NRXN1: variants seen among roughly 807,000 people sequenced by gnomAD.
The protein encoded by NRXN1 is neurexin-1.
NRXN1 carries 39 observed loss-of-function variants against 150.9 expected under a neutral mutation model. The observed-to-expected ratio is 0.26, with a 90% CI of 0.20 to 0.34. NRXN1 has a LOEUF of 0.34. Among genes scored for constraint, NRXN1 ranks in the 10% least tolerant of loss-of-function variants. NRXN1 has a pLI of 1.00. For synonymous variants in NRXN1, 924 were observed against 757.0 expected, an observed-to-expected ratio of 1.22 and a Z score of -3.62; for missense variants, 1,815 against 1,949.9, an observed-to-expected ratio of 0.93 and a Z score of 1.30.
chr2:50,215,127 G>T (rs766830483), intron 18 of NRXN1, among the ~76,000 whole-genome samples: 9 of 151,984 alleles, frequency 5.9e-5, no homozygotes, highest in Non-Finnish European at 1.2e-4. Context: ...ATCTGATACA[G>T]ACTTCCTTTA....
intron 8 of NRXN1, among the ~76,000 whole-genome samples, chr2:50,599,401 C>T (rs1012595184): frequency 3.3e-5 from 5 of 152,124 alleles, no homozygotes; most frequent in African/African-American, 1.2e-4. Context: ...ATATGTTTAC[C>T]TGTTGAAATC....
intron 17 of NRXN1, among the ~76,000 whole-genome samples, chr2:50,248,436 T>C (rs1438404476): frequency 6.6e-6 from 1 of 152,128 alleles, no homozygotes; most frequent in Admixed American, 6.6e-5. Flanking sequence ...CAGGAGAGCA[T>C]TTAGAGGTGG....
Position 50,465,484 on chromosome 2 carries a change from C to T in NRXN1, c.3322G>A (p.Asp1108Asn). Reference sequence around the variant, plus strand: ...CCACTGAAGGAAGTCATACTACAGTCACAGCTGAAGCCATCCCATTGTTGC... The same window carrying T: ...CCACTGAAGGAAGTCATACTACAGTTACAGCTGAAGCCATCCCATTGTTGC... ...CLQQWDGFSC[D>N]CSMTSFSGPL... The change falls in exon 17 of 23, where the codon GAC (aspartate) becomes AAC (asparagine). Residue 1108 changes from aspartate (D) to asparagine (N), a missense_variant. Physicochemically the swap from Asp to Asn is conservative, Grantham distance 23 (BLOSUM62 1). Transcript: ENST00000401669. 1 of 1,610,678 alleles carries T rather than the reference C, an allele frequency of 6.2e-7. No homozygotes were observed. The highest frequency in any genetic ancestry group is 8.5e-7 in the Non-Finnish European group (1 of 1,178,054).
intron 13 of NRXN1, among the ~76,000 whole-genome samples, chr2:50,506,249 ATATAT>A (rs1246880786): frequency 1.3e-5 from 2 of 152,288 alleles, no homozygotes; most frequent in Non-Finnish European, 1.5e-5. Context: ...ACAAAAGAAA[ATATAT>A]TATAATTTCT....
intron 17 of NRXN1, among the ~76,000 whole-genome samples, chr2:50,414,031 G>C (rs1436548263): frequency 5.0e-5 from 6 of 120,684 alleles, no homozygotes; most frequent in African/African-American, 1.9e-4. Flanking sequence ...CCAGAGGCTG[G>C]GAAGGGTAGT....
At chr2:50,015,516 CAAAAAAAAAAAAAAAA>C (rs34466037) in intron 21 of NRXN1, among the ~76,000 whole-genome samples, 5 of 31,288 alleles carry the variant, frequency 1.6e-4, no homozygotes, top group South Asian at 1.6e-3. Flanking sequence ...GGATTTCTGC[CAAAAAAAAAAAAAAAA>C]AAAAAAAAAA....
At chr2:50,555,048 C>A (rs771170570) in intron 8 of NRXN1, among the ~76,000 whole-genome samples, 12 of 152,098 alleles carry the variant, frequency 7.9e-5, no homozygotes, top group Non-Finnish European at 1.8e-4. Context: ...AGGGAAAATG[C>A]TTTTCAAGGA....
At chr2:50,796,986 T>C (rs897388155) in intron 5 of NRXN1, among the ~76,000 whole-genome samples, 4 of 152,282 alleles carry the variant, frequency 2.6e-5, no homozygotes, top group African/African-American at 7.2e-5. Flanking sequence ...GGGAGGACAC[T>C]GTGTCCTCAC....
intron 2 of NRXN1, among the ~76,000 whole-genome samples, chr2:50,936,472 A>G (rs1688561482): frequency 6.6e-6 from 1 of 152,216 alleles, no homozygotes; most frequent in South Asian, 2.1e-4. Context: ...TAACTAAGAA[A>G]AAAACTAGTT....
At chr2:50,252,258 C>CTTTTTTTTTTTTTTTTTTTTTTT (rs143522284) in intron 17 of NRXN1, among the ~76,000 whole-genome samples, 39 of 69,726 alleles carry the variant, frequency 5.6e-4, no homozygotes, top group Non-Finnish European at 7.0e-4. Context: ...TTTTTCTTTT[C>CTTTTTTTTTTTTTTTTTTTTTTT]TTTTTTTTTT....
intron 17 of NRXN1, among the ~76,000 whole-genome samples, chr2:50,415,637 C>G (rs768009615): frequency 6.6e-6 from 1 of 152,080 alleles, no homozygotes; most frequent in Admixed American, 6.6e-5. Context: ...GTCTTAACCA[C>G]CATTTACATT....
intron 17 of NRXN1, among the ~76,000 whole-genome samples, chr2:50,302,932 T>C (rs62134970): frequency 1.8e-5 from 2 of 110,186 alleles, no homozygotes; most frequent in East Asian, 5.8e-4. Flanking sequence ...CATCCATCCA[T>C]CCATCCACCC....
intron 5 of NRXN1, among the ~76,000 whole-genome samples, chr2:50,753,306 C>A (rs987498324): frequency 6.6e-6 from 1 of 151,840 alleles, no homozygotes; most frequent in Non-Finnish European, 1.5e-5. Flanking sequence ...TTTCTACATG[C>A]ACTGGAGAGG....
chr2:50,700,082 G>T (rs1693520125), intron 5 of NRXN1, among the ~76,000 whole-genome samples: 1 of 152,154 alleles, frequency 6.6e-6, no homozygotes, highest in Admixed American at 6.5e-5. Flanking sequence ...TAGTTGTTCT[G>T]AATATATGTT....
intron 5 of NRXN1, among the ~76,000 whole-genome samples, chr2:50,731,635 T>C (rs1698124953): frequency 6.6e-6 from 1 of 152,152 alleles, no homozygotes; most frequent in African/African-American, 2.4e-5. Context: ...TTATTAAAAC[T>C]GCACACCCTA....
intron 19 of NRXN1, among the ~76,000 whole-genome samples, chr2:50,075,644 C>CT (rs1245401919): frequency 7.9e-5 from 12 of 152,220 alleles, no homozygotes; most frequent in East Asian, 5.8e-4. Flanking sequence ...AATAGTGCTT[C>CT]TTTTTTTATC....
chr2:50,423,201 C>G (rs1214587635), intron 17 of NRXN1, among the ~76,000 whole-genome samples: 1 of 152,130 alleles, frequency 6.6e-6, no homozygotes, highest in Non-Finnish European at 1.5e-5. Context: ...ATCATCAAAC[C>G]TGTGGTTCTT....
chr2:50,117,913 A>G (rs1703287309), intron 18 of NRXN1, among the ~76,000 whole-genome samples: 1 of 152,142 alleles, frequency 6.6e-6, no homozygotes, highest in Non-Finnish European at 1.5e-5. Flanking sequence ...TAATGTAATT[A>G]CTTTTTTTAT....
At chr2:50,237,123 G>T (rs1292961647) in intron 17 of NRXN1, among the ~76,000 whole-genome samples, 153 bp from the exon 18 acceptor site, 1 of 152,086 alleles carries the variant, frequency 6.6e-6, no homozygotes, top group East Asian at 1.9e-4. Context: ...GCTCAAGAAA[G>T]TGGACCAAGT....
Sources: allele counts gnomAD v4.1 joint callset (sites outside exome capture counted in the v4.1 genomes callset), GRCh38; gene constraint gnomAD v4.1.1; transcripts MANE v1.5; gene names NCBI Gene and HGNC (gene_info 2026-07-23, HGNC 2026-07-21).